HERC6: variants seen among roughly 807,000 people sequenced by gnomAD.
HERC6 encodes HECT and RLD domain containing E3 ubiquitin protein ligase family member 6.
In HERC6, 101 loss-of-function variants were observed where a neutral mutation model predicts 114.5. That is an observed-to-expected ratio of 0.88 (90% CI 0.75 to 1.04). The LOEUF is 1.04. HERC6 is among the 50% of genes least tolerant of loss of function. HERC6 has a pLI of 0.00. For synonymous variants in HERC6, 408 were observed against 436.2 expected, an observed-to-expected ratio of 0.94 and a Z score of 0.81; for missense variants, 1,133 against 1,230.9, an observed-to-expected ratio of 0.92 and a Z score of 1.19.
intron 11 of HERC6, among the ~76,000 whole-genome samples, chr4:88,412,700 A>G (rs908154591): frequency 6.6e-6 from 1 of 152,190 alleles, no homozygotes; most frequent in African/African-American, 2.4e-5. Flanking sequence ...AGAAATGGAT[A>G]TTGTGTGAGG....
intron 2 of HERC6, among the ~76,000 whole-genome samples, chr4:88,384,145 C>A (rs1468209641): frequency 6.6e-6 from 1 of 152,114 alleles, no homozygotes; most frequent in Non-Finnish European, 1.5e-5. Flanking sequence ...AGATAGACCA[C>A]CCATTACTAT....
intron 22 of HERC6, among the ~76,000 whole-genome samples, chr4:88,441,491 G>T (rs1739348290): frequency 6.6e-6 from 1 of 152,074 alleles, no homozygotes; most frequent in African/African-American, 2.4e-5. Flanking sequence ...CCATCAGGCT[G>T]ACTCCAAAGC....
intron 22 of HERC6, among the ~76,000 whole-genome samples, chr4:88,441,257 C>T (rs1739322991): frequency 6.6e-6 from 1 of 152,192 alleles, no homozygotes; most frequent in Non-Finnish European, 1.5e-5. Flanking sequence ...GCAACAACAA[C>T]TGATGATAAT....
intron 11 of HERC6, among the ~76,000 whole-genome samples, chr4:88,409,138 AATCTT>A (rs1735957770): frequency 6.6e-6 from 1 of 152,232 alleles, no homozygotes; most frequent in African/African-American, 2.4e-5. Flanking sequence ...GGAAGTTGCA[AATCTT>A]ATGACCTCCA....
intron 8 of HERC6, among the ~76,000 whole-genome samples, chr4:88,402,856 A>T (rs1477038763): frequency 6.6e-6 from 1 of 152,118 alleles, no homozygotes; most frequent in Non-Finnish European, 1.5e-5. Flanking sequence ...GTTTCCTGGG[A>T]TGTGGGGGGA....
intron 12 of HERC6, among the ~76,000 whole-genome samples, chr4:88,416,096 A>G (rs1736447242): frequency 6.6e-6 from 1 of 152,188 alleles, no homozygotes; most frequent in Non-Finnish European, 1.5e-5. Flanking sequence ...AATGCCTTAA[A>G]TAATTATTGG....
chr4:88,437,428 C>A (rs1240977303), intron 19 of HERC6, among the ~76,000 whole-genome samples: 1 of 152,026 alleles, frequency 6.6e-6, no homozygotes. Context: ...CTTCTCATGT[C>A]TATATACTCT....
intron 13 of HERC6, 95 bp from the exon 14 acceptor site, chr4:88,423,765 T>C (rs951854330): frequency 2.1e-6 from 1 of 473,390 alleles, no homozygotes; most frequent in Non-Finnish European, 3.7e-6. Context: ...TTTCTTCTTC[T>C]TATCTGTATA....
chr4:88,414,106 C>A (rs925793827), intron 12 of HERC6, among the ~76,000 whole-genome samples: 1 of 152,016 alleles, frequency 6.6e-6, no homozygotes, highest in Non-Finnish European at 1.5e-5. Context: ...CCTTCAAGGG[C>A]CTTTAACTTA....
rs755154383 is a variant in HERC6, at chr4:88,417,532, C to G, written c.1666C>G (p.His556Asp). ...LLHQTKTEQD[H>D]CNVKALLGMM... Reference sequence around the variant, plus strand: ...TCATCAGACTAAAACCGAACAGGATCACTGTAATGTTAAAGCTCTTTTAGG... The same window carrying G: ...TCATCAGACTAAAACCGAACAGGATGACTGTAATGTTAAAGCTCTTTTAGG... Residue 556 changes from histidine (H) to aspartate (D), a missense_variant, in exon 13 of 23, where the codon CAC (histidine) becomes GAC (aspartate). Transcript: ENST00000264346. 57 of 1,612,882 alleles carry G rather than the reference C, an allele frequency of 3.5e-5. No individual in the cohort carries two copies. Among genetic ancestry groups the G allele is most frequent in the Admixed American group, 1.2e-4 (7 of 59,882 alleles).
At chr4:88,412,148 T>G (rs568826618) in intron 11 of HERC6, among the ~76,000 whole-genome samples, 12 of 152,088 alleles carry the variant, frequency 7.9e-5, no homozygotes, top group African/African-American at 2.9e-4. Flanking sequence ...AAAACACAAA[T>G]AAAGCAAAAA....
Position 88,405,001 on chromosome 4 carries a change from G to C in HERC6, c.1214+4G>C. On this transcript the variant is annotated splice_donor_region_variant and intron_variant, in intron 9 of 22. Coordinates refer to ENST00000264346, the MANE Select transcript of HERC6 (RefSeq NM_017912.4). ...CTGAACATGAAATGGCTAAAAGGTGGCTCTGTCTGATAAATTATAAGCCAC... is the reference window on the plus strand; with the variant it reads ...CTGAACATGAAATGGCTAAAAGGTGCCTCTGTCTGATAAATTATAAGCCAC... The C allele has an allele frequency of 6.2e-7, 1 of 1,611,984 alleles. No individual in the cohort carries two copies.
chr4:88,387,518 T>G (rs1340807854), intron 3 of HERC6, among the ~76,000 whole-genome samples: 1 of 152,202 alleles, frequency 6.6e-6, no homozygotes. Context: ...AGAAACAGAA[T>G]AGTCAGGATT....
chr4:88,435,857 G>A lies in HERC6; in HGVS notation c.2383G>A (p.Glu795Lys). The change falls in exon 18 of 23, where the codon GAA becomes AAA. Residue 795 changes from glutamate to lysine, a missense_variant. Glu to Lys is a moderately conservative substitution (Grantham distance 56). Transcript: ENST00000264346. ...ACTTCTGGACCAAAAGCCATCATTGGAAGATTTAAAAGAACTCAGTCCTCG... is the reference window on the plus strand; with the variant it reads ...ACTTCTGGACCAAAAGCCATCATTGAAAGATTTAAAAGAACTCAGTCCTCG... ...KKLLDQKPSL[E>K]DLKELSPRLG... 1 of 1,609,712 alleles carries A rather than the reference G, an allele frequency of 6.2e-7. No homozygotes were observed. The highest frequency in any genetic ancestry group is 2.2e-5 in the East Asian group (1 of 44,730).
intron 15 of HERC6, among the ~76,000 whole-genome samples, chr4:88,425,441 G>A (rs1012447018): frequency 2.6e-5 from 4 of 152,026 alleles, no homozygotes; most frequent in Non-Finnish European, 5.9e-5. Context: ...CAACACTGAC[G>A]CTATCCAGTA....
chr4:88,422,218 C>G (rs752155484), intron 13 of HERC6, among the ~76,000 whole-genome samples: 2 of 151,914 alleles, frequency 1.3e-5, no homozygotes, highest in Non-Finnish European at 2.9e-5. Flanking sequence ...TTAAATTTAC[C>G]TACTAAAACT....
intron 12 of HERC6, among the ~76,000 whole-genome samples, chr4:88,415,057 T>C (rs1211426531): frequency 1.3e-5 from 2 of 152,190 alleles, no homozygotes; most frequent in African/African-American, 4.8e-5. Context: ...AGAGGATATG[T>C]ACAATGAAAT....
intron 10 of HERC6, among the ~76,000 whole-genome samples, chr4:88,407,472 C>G (rs887930558): frequency 6.6e-6 from 1 of 152,082 alleles, no homozygotes; most frequent in Non-Finnish European, 1.5e-5. Context: ...TTGATCATAG[C>G]TCCCTGTAGC....
At position 88,404,993 on chromosome 4, in the gene HERC6, A is replaced by G. The variant is rs753871458; in HGVS notation, c.1210A>G (p.Lys404Glu). Residue 404 changes from lysine to glutamate, a missense_variant, in exon 9 of 23, where the codon AAA (lysine) becomes GAA (glutamate). Physicochemically the swap from Lys to Glu is moderately conservative, Grantham distance 56. Coordinates refer to ENST00000264346, the MANE Select transcript of HERC6 (RefSeq NM_017912.4). ...KRRSTEHEMA[K>E]SEIRMIFSSP... ...AAGAAGTACTGAACATGAAATGGCT[A>G]AAAGGTGGCTCTGTCTGATAAATTA... is the stretch of plus-strand genomic sequence containing the variant. The G allele has an allele frequency of 1.7e-5, 28 of 1,612,718 alleles. No individual in the cohort carries two copies. The highest frequency in any genetic ancestry group is 2.7e-5 in the African/African-American group (2 of 74,888).
Sources: allele counts gnomAD v4.1 joint callset (sites outside exome capture counted in the v4.1 genomes callset), GRCh38; gene constraint gnomAD v4.1.1; transcripts MANE v1.5; gene names NCBI Gene and HGNC (gene_info 2026-07-23, HGNC 2026-07-21).